Variants in CAPN13 observed in about 807,000 individuals in gnomAD.
CAPN13 encodes calpain-13.
Under a neutral mutation model 98.4 loss-of-function variants are expected in CAPN13, and 90 were observed. The observed-to-expected ratio is 0.92, with a 90% CI of 0.77 to 1.09. CAPN13 has a LOEUF of 1.09. Ranked by LOEUF, CAPN13 falls within the 50% of genes least tolerant of loss-of-function variation. The pLI is 0.00. For synonymous variants in CAPN13, 330 were observed against 305.5 expected (o/e 1.08, Z -0.84); for missense variants, 887 against 841.3 (o/e 1.05, Z -0.67).
chr2:30,779,918 G>C (rs1225954944), intron 2 of CAPN13, among the ~76,000 whole-genome samples: 1 of 152,008 alleles, frequency 6.6e-6, no homozygotes, highest in South Asian at 2.1e-4. Flanking sequence ...TTGAGGGAGG[G>C]TTACATAGAC....
At chr2:30,733,140 AG>A (rs2147948415) in intron 19 of CAPN13, among the ~76,000 whole-genome samples, 1 of 152,258 alleles carries the variant, frequency 6.6e-6, no homozygotes, top group East Asian at 1.9e-4. Context: ...CCGACCTCAC[AG>A]GGGCCAAGTG....
Position 30,787,234 on chromosome 2 carries a change from A to G in CAPN13, c.92T>C (p.Met31Thr), listed in dbSNP as rs752718146. 16 of 1,612,432 alleles carry G rather than the reference A, an allele frequency of 9.9e-6. No individual in the cohort carries two copies. The highest frequency in any genetic ancestry group is 4.5e-5 in the East Asian group (2 of 44,872). ...TGTCTCATCCTTAAACGTCCGGCCC[A>G]TGCTCAGGCAGTGATCCCGCAAGGT... The part of the protein sequence containing the change: ...FTTLRDHCLS[M>T]GRTFKDETFP... Residue 31 changes from methionine (M) to threonine (T), a missense_variant, in exon 2 of 23, where the codon ATG becomes ACG. By Grantham distance (81) the Met-to-Thr change is moderately conservative. Coordinates refer to ENST00000295055, the MANE Select transcript of CAPN13 (RefSeq NM_144575.3).
Position 30,787,257 on chromosome 2 carries a change from G to T in CAPN13, c.69C>A (p.Thr23=). 6.2e-7 allele frequency: 1 copy of T among 1,613,254 alleles called. No homozygotes were observed. Among genetic ancestry groups the T allele is most frequent in the Non-Finnish European group, 8.5e-7 (1 of 1,179,712 alleles). Residue 23 remains threonine, a synonymous_variant, in exon 2 of 23, where the codon ACC becomes ACA. Coordinates refer to ENST00000295055, the MANE Select transcript of CAPN13 (RefSeq NM_144575.3). ...CCATGCTCAGGCAGTGATCCCGCAA[G>T]GTGGTAAAGTCCTGGTCTTTGAACT... is the stretch of plus-strand genomic sequence containing the variant. ...IIKFKDQDFT[T]LRDHCLSMGR...
At chr2:30,789,080 CA>C (rs1383701073) in intron 1 of CAPN13, among the ~76,000 whole-genome samples, 6 of 152,012 alleles carry the variant, frequency 3.9e-5, no homozygotes, top group Non-Finnish European at 5.9e-5. Context: ...AATAATGGCA[CA>C]AAATATTCAG....
Position 30,780,296 on chromosome 2 carries a change from C to G in CAPN13, c.199-2657G>C, listed in dbSNP as rs557952092. Among the ~76,000 whole-genome samples the G allele has an allele frequency of 4.0e-4, 61 of 152,314 alleles. 1 individual carries two copies. In the South Asian group the frequency reaches 0.013, roughly 32 times the overall value. On this transcript the variant is annotated intron_variant, in intron 2 of 22. Transcript: ENST00000295055. ...AAGAATCCTGCCACCATTTAAGAAGCCAGCATAGCCTTGATGCCCAACCTG... is the reference window on the plus strand; with the variant it reads ...AAGAATCCTGCCACCATTTAAGAAGGCAGCATAGCCTTGATGCCCAACCTG...
intron 1 of CAPN13, among the ~76,000 whole-genome samples, chr2:30,790,003 T>C (rs1323547402): frequency 6.6e-6 from 1 of 152,194 alleles, no homozygotes; most frequent in African/African-American, 2.4e-5. Flanking sequence ...GGGTGTCTGC[T>C]GCTGCGGAGG....
At chr2:30,762,358 T>C (rs1672891909) in intron 7 of CAPN13, among the ~76,000 whole-genome samples, 1 of 152,188 alleles carries the variant, frequency 6.6e-6, no homozygotes, top group African/African-American at 2.4e-5. Context: ...TCCTCTTCCA[T>C]GAGAATAAAG....
rs1309006884 is a variant in CAPN13, at chr2:30,777,594, T to C, written c.244A>G (p.Arg82Gly). The change falls in exon 3 of 23, where the codon AGA becomes GGA. Residue 82 changes from arginine (R) to glycine (G), a missense_variant. Arg to Gly is a moderately radical substitution (Grantham distance 125, BLOSUM62 -2). Coordinates refer to ENST00000295055, the MANE Select transcript of CAPN13 (RefSeq NM_144575.3). ...PPHFILDDIS[R>G]FDIQQGGAAD... is the part of the protein sequence containing the mutation. ...GCGCCTCCTTGTTGGATGTCAAATC[T>C]GCTTATATCATCCAGGATGAAGTGA... The C allele has an allele frequency of 6.3e-7, 1 of 1,580,818 alleles. No homozygotes were observed.
At chr2:30,732,237 T>A (rs992694422) in intron 20 of CAPN13, among the ~76,000 whole-genome samples, 1 of 152,020 alleles carries the variant, frequency 6.6e-6, no homozygotes, top group Admixed American at 6.5e-5. Flanking sequence ...AGACCTGCGA[T>A]GGGGAACTAC....
chr2:30,754,740 C>T (rs1360323380), intron 8 of CAPN13, among the ~76,000 whole-genome samples: 1 of 152,086 alleles, frequency 6.6e-6, no homozygotes, highest in Non-Finnish European at 1.5e-5. Flanking sequence ...CATCAAATAG[C>T]ATTCATTGAT....
intron 7 of CAPN13, among the ~76,000 whole-genome samples, chr2:30,761,947 G>A (rs1672871625): frequency 1.3e-5 from 2 of 152,148 alleles, no homozygotes; most frequent in Admixed American, 6.5e-5. Flanking sequence ...TGCAGTCCTT[G>A]GTCCATAAAG....
chr2:30,784,070 C>T (rs943265586), intron 2 of CAPN13, among the ~76,000 whole-genome samples: 3 of 152,010 alleles, frequency 2.0e-5, no homozygotes, highest in Admixed American at 2.0e-4. Context: ...ATCCCGGCTA[C>T]TCAGGAGGCT....
intron 7 of CAPN13, 125 bp from the exon 8 acceptor site, chr2:30,758,262 A>G: frequency 3.0e-6 from 2 of 666,938 alleles, no homozygotes; most frequent in South Asian, 4.2e-5. Context: ...GGCTGCAGCC[A>G]GAAAAAAAAT....
At chr2:30,737,303 C>G (rs535217664) in intron 17 of CAPN13, 1 of 152,360 alleles carries the variant, frequency 6.6e-6, no homozygotes, top group African/African-American at 2.4e-5. Context: ...TCACAATGGC[C>G]GGCTTCACAG....
At chr2:30,792,146 G>A (rs771561977) in intron 1 of CAPN13, among the ~76,000 whole-genome samples, 21 of 152,082 alleles carry the variant, frequency 1.4e-4, no homozygotes, top group South Asian at 8.3e-4. Flanking sequence ...TTAGGAAGAC[G>A]TGAATAAGTA....
chr2:30,783,643 T>C (rs1674105570), intron 2 of CAPN13, among the ~76,000 whole-genome samples: 1 of 152,184 alleles, frequency 6.6e-6, no homozygotes, highest in Non-Finnish European at 1.5e-5. Flanking sequence ...TCTGGGCTAG[T>C]GTTGAACCTG....
chr2:30,748,832 C>A (rs1000187610), intron 11 of CAPN13, among the ~76,000 whole-genome samples: 1 of 152,152 alleles, frequency 6.6e-6, no homozygotes, highest in Non-Finnish European at 1.5e-5. Flanking sequence ...CTGTGCTAAA[C>A]CCCAGTGATT....
rs199751596 is a variant in CAPN13, at chr2:30,751,250, T to C, written c.1089A>G (p.Gly363=). Residue 363 remains glycine (G), a splice_region_variant and synonymous_variant, in exon 11 of 23, where the codon GGA becomes GGG. Transcript: ENST00000295055. ...RKQVILGNTA[G]GPRNDAQFNF... ...TGAATTGAGCATCATTCCGAGGTCC[T>C]CCTGCATCAGAAAGAGCTGTTACTA... 8.7e-6 allele frequency: 14 copies of C among 1,613,726 alleles called. No individual in the cohort carries two copies. The Admixed American group carries it at 2.2e-4, about 25-fold the overall frequency.
chr2:30,734,578 A>T, intron 18 of CAPN13, 54 bp from the exon 19 acceptor site: 1 of 1,409,702 alleles, frequency 7.1e-7, no homozygotes, highest in South Asian at 1.2e-5. Context: ...AGGTCTGGAT[A>T]CTCCTTTTCC....
Sources: gnomAD v4.1 joint callset for allele counts (sites outside exome capture counted in the v4.1 genomes callset) on GRCh38, gnomAD v4.1.1 for gene constraint, MANE v1.5 for transcripts, NCBI Gene and HGNC (gene_info 2026-07-23, HGNC 2026-07-21) for gene names.